Variants in TMTC2 observed in about 807,000 individuals in gnomAD.
The protein encoded by TMTC2 is protein O-mannosyl-transferase TMTC2.
Under a neutral mutation model 82.4 loss-of-function variants are expected in TMTC2, and 43 were observed. That is an observed-to-expected ratio of 0.52 (90% confidence interval 0.41 to 0.67). TMTC2 has a LOEUF of 0.67. Ranked by LOEUF, TMTC2 falls within the 30% of genes least tolerant of loss-of-function variation. TMTC2 has a pLI of 0.00. For missense variants in TMTC2, 919 were observed against 1,012.4 expected (o/e 0.91, Z 1.25); for synonymous variants, 408 against 381.9 (o/e 1.07, Z -0.80).
chr12:82,857,527 G>A lies in TMTC2; in HGVS notation c.601G>A (p.Val201Ile), dbSNP rs764991903. The A allele has an allele frequency of 6.8e-6, 11 of 1,613,000 alleles. No individual in the cohort carries two copies. The South Asian group carries it at 1.1e-4, about 16-fold the overall frequency. ...TVLAVSAVYD[V>I]FVFHRLKIKQ... is the part of the protein sequence containing the mutation. Reference sequence around the variant, plus strand: ...TCTCGCAGTTTCAGCAGTTTATGATGTCTTTGTCTTTCACAGGCTGAAAAT... The same window carrying A: ...TCTCGCAGTTTCAGCAGTTTATGATATCTTTGTCTTTCACAGGCTGAAAAT... Residue 201 changes from valine (V) to isoleucine (I), a missense_variant, in exon 2 of 12, where the codon GTC becomes ATC. Val to Ile is a conservative substitution (Grantham distance 29). Transcript: ENST00000321196.
intron 1 of TMTC2, among the ~76,000 whole-genome samples, chr12:82,813,312 T>G (rs1868508536): frequency 6.6e-6 from 1 of 152,112 alleles, no homozygotes; most frequent in South Asian, 2.1e-4. Flanking sequence ...TGTTCTTCCT[T>G]TTACATTTTT....
intron 4 of TMTC2, among the ~76,000 whole-genome samples, chr12:82,937,701 G>GGT (rs146657948): frequency 0.035 from 2,592 of 73,180 alleles, 135 homozygotes; most frequent in African/African-American, 0.12. Flanking sequence ...AAATGTCAAT[G>GGT]GTGTGTGTGT....
At chr12:83,074,706 C>G (rs1264083634) in intron 11 of TMTC2, among the ~76,000 whole-genome samples, 1 of 152,036 alleles carries the variant, frequency 6.6e-6, no homozygotes, top group African/African-American at 2.4e-5. Context: ...AGCTACCCAC[C>G]CATGCACACT....
chr12:82,759,584 A>G (rs974235080), intron 1 of TMTC2: 1 of 152,192 alleles, frequency 6.6e-6, no homozygotes, highest in Non-Finnish European at 1.5e-5. Context: ...CCTTCTGGCA[A>G]AATTCCAGCA....
At chr12:82,709,148 C>T (rs913379064) in intron 1 of TMTC2, among the ~76,000 whole-genome samples, 6 of 150,012 alleles carry the variant, frequency 4.0e-5, no homozygotes, top group African/African-American at 1.5e-4. Context: ...TTGCTATCTT[C>T]TGTACTTTTT....
At position 82,881,351 on chromosome 12, in the gene TMTC2, C is replaced by G. The variant is rs553440854; in HGVS notation, c.655-14467C>G. Among the ~76,000 whole-genome samples, 6 of 152,176 alleles carry G rather than the reference C, an allele frequency of 3.9e-5. No individual in the cohort carries two copies. The South Asian group carries it at 1.2e-3, about 32-fold the overall frequency. ...ACCGTGAATTTGTGTATTAACTTTC[C>G]GACATCGTAATTTCCATTCATGATT... On this transcript the variant is annotated intron_variant, in intron 2 of 11. Coordinates refer to ENST00000321196, the MANE Select transcript of TMTC2 (RefSeq NM_152588.3).
At chr12:82,961,723 T>G (rs1401805403) in intron 4 of TMTC2, among the ~76,000 whole-genome samples, 1 of 152,050 alleles carries the variant, frequency 6.6e-6, no homozygotes, top group African/African-American at 2.4e-5. Flanking sequence ...GACCTTTCCT[T>G]ATCCATTCCT....
intron 1 of TMTC2, among the ~76,000 whole-genome samples, chr12:82,780,245 C>G (rs957329748): frequency 1.3e-5 from 2 of 152,090 alleles, no homozygotes; most frequent in Non-Finnish European, 2.9e-5. Context: ...ATGAAAATAC[C>G]TGGCTCATTT....
intron 1 of TMTC2, among the ~76,000 whole-genome samples, chr12:82,835,347 G>T (rs1263539986): frequency 6.6e-6 from 1 of 152,058 alleles, no homozygotes; most frequent in Non-Finnish European, 1.5e-5. Context: ...ACTGTATTTT[G>T]TTGTTGTTCT....
At chr12:83,110,336 C>T (rs1010855513) in intron 11 of TMTC2, among the ~76,000 whole-genome samples, 52 of 152,186 alleles carry the variant, frequency 3.4e-4, no homozygotes, top group African/African-American at 1.3e-3. Context: ...AATGTTTCCT[C>T]TCTGCCAGAT....
At chr12:83,082,174 G>A (rs1392206811) in intron 11 of TMTC2, among the ~76,000 whole-genome samples, 1 of 152,218 alleles carries the variant, frequency 6.6e-6, no homozygotes, top group African/African-American at 2.4e-5. Context: ...ACTATAGCTT[G>A]AAGATGTCAT....
At chr12:82,743,185 A>G (rs10862498) in intron 1 of TMTC2, among the ~76,000 whole-genome samples, 144,936 of 152,238 alleles carry the variant, frequency 0.95, 69,403 homozygotes, top group Non-Finnish European at 1. Context: ...GCTCAGGCCC[A>G]TAATCCCAGC....
chr12:82,722,398 CAAAAAAAAA>C (rs67785786), intron 1 of TMTC2, among the ~76,000 whole-genome samples: 1 of 102,590 alleles, frequency 9.7e-6, no homozygotes, highest in Non-Finnish European at 1.8e-5. Context: ...ACTAAAAATA[CAAAAAAAAA>C]AAAAAAAAAA....
chr12:82,862,786 G>C (rs1346710963), intron 2 of TMTC2, among the ~76,000 whole-genome samples: 1 of 152,136 alleles, frequency 6.6e-6, no homozygotes, highest in Non-Finnish European at 1.5e-5. Context: ...TGCTTAACTT[G>C]ATTCTACATC....
chr12:83,014,238 C>T (rs1880576660), intron 8 of TMTC2, among the ~76,000 whole-genome samples: 1 of 152,190 alleles, frequency 6.6e-6, no homozygotes, highest in Admixed American at 6.5e-5. Context: ...TCTCCTCTCA[C>T]CGTAACCTCT....
intron 9 of TMTC2, among the ~76,000 whole-genome samples, chr12:83,033,732 G>A (rs1017740946): frequency 6.6e-6 from 1 of 151,594 alleles, no homozygotes; most frequent in Admixed American, 6.6e-5. Context: ...GCCTGGGTGA[G>A]AGAGCAAGAC....
chr12:83,119,868 C>A (rs554395582), intron 11 of TMTC2, among the ~76,000 whole-genome samples: 18 of 152,260 alleles, frequency 1.2e-4, no homozygotes, highest in African/African-American at 3.9e-4. Flanking sequence ...TTCTGTTGGA[C>A]AAGGCTTTTT....
At chr12:82,839,625 G>A (rs999949220) in intron 1 of TMTC2, among the ~76,000 whole-genome samples, 33 of 152,162 alleles carry the variant, frequency 2.2e-4, no homozygotes, top group Non-Finnish European at 2.9e-5. Flanking sequence ...TGCCTGGCTA[G>A]TTCTTTTCCT....
intron 7 of TMTC2, among the ~76,000 whole-genome samples, chr12:82,972,445 A>G (rs1878492396): frequency 6.6e-6 from 1 of 152,182 alleles, no homozygotes; most frequent in African/African-American, 2.4e-5. Context: ...ATTTTGATTT[A>G]ATTTGTAATT....
Sources: gnomAD v4.1 joint callset for allele counts (sites outside exome capture counted in the v4.1 genomes callset) on GRCh38, gnomAD v4.1.1 for gene constraint, MANE v1.5 for transcripts, NCBI Gene and HGNC (gene_info 2026-07-23, HGNC 2026-07-21) for gene names.